ACMSD: variants seen among roughly 807,000 people sequenced by gnomAD.
ACMSD encodes the protein aminocarboxymuconate semialdehyde decarboxylase, also known as 2-amino-3-carboxymuconate-6-semialdehyde decarboxylase.
A neutral mutation model predicts 45.9 loss-of-function variants in ACMSD; 37 were observed. That is an observed-to-expected ratio of 0.81 (90% CI 0.62 to 1.06). ACMSD has a LOEUF of 1.06. Among genes scored for constraint, ACMSD ranks in the 50% least tolerant of loss-of-function variants. The pLI, the probability that ACMSD is intolerant of heterozygous loss-of-function variation, is 0.00. For synonymous variants in ACMSD, 138 were observed against 148.8 expected (o/e 0.93, Z 0.53); for missense variants, 434 against 420.9 (o/e 1.03, Z -0.27).
intron 8 of ACMSD, among the ~76,000 whole-genome samples, chr2:134,891,555 TG>T (rs1689783801): frequency 6.6e-6 from 1 of 152,138 alleles, no homozygotes; most frequent in Admixed American, 6.6e-5. Context: ...CATGCCAATC[TG>T]AATGGCTATT....
intron 5 of ACMSD, among the ~76,000 whole-genome samples, chr2:134,864,179 G>A (rs943746876): frequency 6.6e-6 from 1 of 151,352 alleles, no homozygotes; most frequent in African/African-American, 2.4e-5. Flanking sequence ...GCTGAGGCAT[G>A]AGAGTATCTT....
rs1687952336 is a variant in ACMSD at position 134,863,615 on chromosome 2, T to C, written c.470T>C (p.Leu157Pro). ...VNEWDLNAQE[L>P]FPVYAAAERL... Reference sequence around the variant, plus strand: ...GAGTGGGACCTGAACGCGCAGGAGCTCTTTCCTGTCTATGCGGTGAGTAGC... The same window carrying C: ...GAGTGGGACCTGAACGCGCAGGAGCCCTTTCCTGTCTATGCGGTGAGTAGC... Residue 157 changes from leucine (L) to proline (P), a missense_variant, in exon 5 of 10, where the codon CTC (leucine) becomes CCC (proline). By Grantham distance (98) the Leu-to-Pro change is moderately conservative. Coordinates refer to ENST00000356140, the MANE Select transcript of ACMSD (RefSeq NM_138326.3). 1 of 1,614,128 alleles carries C rather than the reference T, an allele frequency of 6.2e-7. No homozygotes were observed. The highest frequency in any genetic ancestry group is 1.3e-5 in the African/African-American group (1 of 75,054).
chr2:134,878,731 A>G (rs1164260798), intron 8 of ACMSD, among the ~76,000 whole-genome samples: 1 of 152,190 alleles, frequency 6.6e-6, no homozygotes, highest in Non-Finnish European at 1.5e-5. Context: ...ATGCCTGTAC[A>G]TGTTTTATAG....
intron 4 of ACMSD, chr2:134,862,876 C>A: frequency 1.3e-6 from 1 of 746,766 alleles, no homozygotes; most frequent in Non-Finnish European, 1.6e-6. Flanking sequence ...TAAACTTCAA[C>A]TGCCTCAGCA....
chr2:134,853,975 C>T (rs1477265886), intron 2 of ACMSD, among the ~76,000 whole-genome samples: 3 of 152,146 alleles, frequency 2.0e-5, no homozygotes, highest in African/African-American at 7.2e-5. Context: ...AAATATTAGC[C>T]TTGTGAGATG....
In ACMSD at chr2:134,898,445, A is replaced by G. The variant is rs766928087; in HGVS notation, c.948+6A>G. ...AATTTGATGAAGAAACAAAGGTATA[A>G]TGTCTTTTACTTCACGGCTTTCTTA... is the stretch of plus-strand genomic sequence containing the variant. On this transcript the variant is annotated splice_donor_region_variant and intron_variant, in intron 9 of 9. Transcript: ENST00000356140. 6.4e-7 allele frequency: 1 copy of G among 1,574,648 alleles called. No individual in the cohort carries two copies. The highest frequency in any genetic ancestry group is 1.9e-5 in the Admixed American group (1 of 52,062).
intron 1 of ACMSD, among the ~76,000 whole-genome samples, chr2:134,839,123 C>T (rs914849434): frequency 1.8e-4 from 28 of 152,194 alleles, no homozygotes; most frequent in Non-Finnish European, 5.9e-5. Context: ...GGAATGTGAT[C>T]GGTTTCAAGG....
At chr2:134,854,263 T>C (rs1158599667) in intron 2 of ACMSD, among the ~76,000 whole-genome samples, 1 of 152,230 alleles carries the variant, frequency 6.6e-6, no homozygotes, top group African/African-American at 2.4e-5. Flanking sequence ...ATTCTATGAT[T>C]GAATCTTCTT....
At chr2:134,843,519 T>C (rs1686903939) in intron 1 of ACMSD, among the ~76,000 whole-genome samples, 2 of 151,936 alleles carry the variant, frequency 1.3e-5, no homozygotes, top group Non-Finnish European at 2.9e-5. Context: ...GCCCAGACCT[T>C]CCCCTCAGTC....
rs953005463 is a variant in ACMSD, at chr2:134,878,227, G to A, written c.849+5586G>A. On this transcript the variant is annotated intron_variant, in intron 8 of 9. Coordinates refer to ENST00000356140, the MANE Select transcript of ACMSD (RefSeq NM_138326.3). ...AGGGGAAAACAAGAGCTTCAGAGGA[G>A]GTCACTAGCCACTAGCAAGTCTGAA... 4.6e-5 allele frequency among the ~76,000 whole-genome samples: 7 copies of A among 152,304 alleles called. No individual in the cohort carries two copies. The East Asian group carries it at 1.4e-3, about 29-fold the overall frequency.
intron 9 of ACMSD, 122 bp downstream of exon 9, chr2:134,898,561 A>C: frequency 1.9e-6 from 1 of 536,196 alleles, no homozygotes; most frequent in Non-Finnish European, 3.1e-6. Context: ...GAATTCCCTA[A>C]AACTATTACT....
At chr2:134,880,339 T>A (rs1311298005) in intron 8 of ACMSD, among the ~76,000 whole-genome samples, 1 of 152,236 alleles carries the variant, frequency 6.6e-6, no homozygotes, top group East Asian at 1.9e-4. Context: ...TTTCACCCAT[T>A]ACCCTAGTCA....
At chr2:134,847,395 T>TATAGATAGATAG (rs751345211) in intron 2 of ACMSD, among the ~76,000 whole-genome samples, 10 of 143,240 alleles carry the variant, frequency 7.0e-5, no homozygotes, top group East Asian at 4.0e-4. Context: ...TTTTTGGGGA[T>TATAGATAGATAG]ACAGATAGAT....
chr2:134,894,656 T>G (rs1689990096), intron 8 of ACMSD, among the ~76,000 whole-genome samples: 2 of 152,076 alleles, frequency 1.3e-5, no homozygotes, highest in African/African-American at 4.8e-5. Flanking sequence ...AACCCACAAC[T>G]AACATCACAC....
At chr2:134,895,847 G>A (rs1257301496) in intron 8 of ACMSD, among the ~76,000 whole-genome samples, 2 of 152,264 alleles carry the variant, frequency 1.3e-5, no homozygotes, top group Middle Eastern at 3.4e-3. Context: ...GGTGACAAGA[G>A]TGAAACTCCG....
At position 134,863,600 on chromosome 2, in the gene ACMSD, T is replaced by G. The variant is rs1392476284; in HGVS notation, c.455T>G (p.Leu152Arg). The G allele has an allele frequency of 6.2e-7, 1 of 1,614,190 alleles. No homozygotes were observed. The highest frequency in any genetic ancestry group is 1.7e-5 in the Admixed American group (1 of 60,032). ...QIGTHVNEWD[L>R]NAQELFPVYA... The stretch of plus-strand genomic sequence containing the variant: ...GGCACCCACGTCAACGAGTGGGACC[T>G]GAACGCGCAGGAGCTCTTTCCTGTC... Residue 152 changes from leucine to arginine, a missense_variant, in exon 5 of 10, where the codon CTG becomes CGG. By Grantham distance (102) the Leu-to-Arg change is moderately radical. Transcript: ENST00000356140.
chr2:134,843,534 G>A (rs904444911), intron 1 of ACMSD, among the ~76,000 whole-genome samples: 23 of 152,202 alleles, frequency 1.5e-4, no homozygotes, highest in African/African-American at 5.5e-4. Flanking sequence ...TCAGTCTAGT[G>A]GTGAAGGGAG....
chr2:134,862,065 T>C, intron 4 of ACMSD, 47 bp downstream of exon 4: 1 of 1,610,268 alleles, frequency 6.2e-7, no homozygotes, highest in Non-Finnish European at 8.5e-7. Context: ...AAGGTTCGTG[T>C]TGAGCTCCCA....
At chr2:134,862,631 G>A (rs766381122) in intron 4 of ACMSD, among the ~76,000 whole-genome samples, 113 of 152,236 alleles carry the variant, frequency 7.4e-4, no homozygotes, top group Admixed American at 1.8e-3. Context: ...ACATACTTCC[G>A]TGATCTGTGT....
Sources: allele counts gnomAD v4.1 joint callset (sites outside exome capture counted in the v4.1 genomes callset), GRCh38; gene constraint gnomAD v4.1.1; transcripts MANE v1.5; gene names NCBI Gene and HGNC (gene_info 2026-07-23, HGNC 2026-07-21).